The following CFAP69 variants were observed in gnomAD, a reference collection of about 807,000 sequenced individuals.
CFAP69 encodes the protein cilia and flagella associated protein 69, also known as cilia- and flagella-associated protein 69.
A neutral mutation model predicts 123.0 loss-of-function variants in CFAP69; 92 were observed. The observed-to-expected ratio is 0.75, with a 90% CI of 0.63 to 0.89. The LOEUF (loss-of-function observed/expected upper bound fraction) is 0.89. CFAP69 is among the 40% of genes least tolerant of loss of function. CFAP69 has a pLI of 0.00. For synonymous variants in CFAP69, 380 were observed against 364.3 expected (o/e 1.04, Z -0.49); for missense variants, 1,067 against 1,096.9 (o/e 0.97, Z 0.39).
At position 90,309,322 on chromosome 7, in the gene CFAP69, A is replaced by G; in HGVS notation, c.2610A>G (p.Gln870=). Residue 870 remains glutamine (Q), a synonymous_variant, in exon 22 of 23, where the codon CAA becomes CAG. Transcript: ENST00000389297. ...IEASRYHKRP[Q]NAIFHQTHIK... is the part of the protein sequence containing the mutation. ...CCTCCAGATACCATAAACGACCACA[A>G]AATGCAATATTTCACCAAACACATA... 1 of 1,590,618 alleles carries G rather than the reference A, an allele frequency of 6.3e-7. No individual in the cohort carries two copies. Among genetic ancestry groups the G allele is most frequent in the African/African-American group, 1.3e-5 (1 of 74,168 alleles).
At chr7:90,280,786 T>C (rs1375482782) in intron 12 of CFAP69, among the ~76,000 whole-genome samples, 8 of 152,240 alleles carry the variant, frequency 5.3e-5, no homozygotes, top group Admixed American at 2.6e-4. Flanking sequence ...ATTGCCTCTT[T>C]TCTGGTAGAA....
chr7:90,307,953 C>A, intron 21 of CFAP69, 99 bp downstream of exon 21: 2 of 708,682 alleles, frequency 2.8e-6, no homozygotes, highest in Non-Finnish European at 2.3e-6. Flanking sequence ...TCCTAGTGAC[C>A]TTTCCGTACA....
chr7:90,323,524 G>C, the CFAP69 span, among the ~76,000 whole-genome samples: 1 of 152,068 alleles, frequency 6.6e-6, no homozygotes, highest in African/African-American at 2.4e-5. Flanking sequence ...AATTTCTCAG[G>C]CAATTCCTAA....
intron 1 of CFAP69, among the ~76,000 whole-genome samples, chr7:90,251,724 A>C (rs1462502515): frequency 6.6e-6 from 1 of 152,228 alleles, no homozygotes; most frequent in East Asian, 1.9e-4. Flanking sequence ...TAGGGAAGGT[A>C]GAGGGAGAGA....
intron 14 of CFAP69, chr7:90,287,793 A>T: frequency 2.1e-6 from 2 of 948,208 alleles, no homozygotes; most frequent in Non-Finnish European, 2.5e-6. Flanking sequence ...AACTTCACAA[A>T]AATTATTAAA....
chr7:90,286,650 C>A (rs552851327), intron 14 of CFAP69, among the ~76,000 whole-genome samples: 2 of 152,256 alleles, frequency 1.3e-5, no homozygotes, highest in African/African-American at 4.8e-5. Flanking sequence ...AAGCCATGCC[C>A]CTACTCACTT....
At chr7:90,276,694 A>T (rs1788664062) in intron 9 of CFAP69, among the ~76,000 whole-genome samples, 1 of 152,220 alleles carries the variant, frequency 6.6e-6, no homozygotes, top group African/African-American at 2.4e-5. Context: ...GCTGTTGAGA[A>T]TAACTGGATT....
chr7:90,287,757 G>A (rs1790517550), intron 14 of CFAP69: 1 of 985,550 alleles, frequency 1.0e-6, no homozygotes, highest in Non-Finnish European at 1.2e-6. Flanking sequence ...AAGGTAATTA[G>A]TAAGAGAAAA....
At chr7:90,271,430 T>TAA in intron 6 of CFAP69, 96 bp from the exon 7 acceptor site, 1 of 1,330,834 alleles carries the variant, frequency 7.5e-7, no homozygotes, top group South Asian at 1.5e-5. Context: ...TTAAAAAGTT[T>TAA]TTCTTGCTGT....
rs1166809776 is a variant in CFAP69 at position 90,286,307 on chromosome 7, C to A, written c.1564C>A (p.Pro522Thr). The change falls in exon 14 of 23, where the codon CCT (proline) becomes ACT (threonine). Residue 522 changes from proline to threonine, a missense_variant. Pro to Thr is a conservative substitution (Grantham distance 38). Coordinates refer to ENST00000389297, the MANE Select transcript of CFAP69 (RefSeq NM_001039706.3). ...AATCTTTAAAAATATAATAAGCAAGCCTAATGAAAAGGAAGAAGCCATTGT... is the reference window on the plus strand; with the variant it reads ...AATCTTTAAAAATATAATAAGCAAGACTAATGAAAAGGAAGAAGCCATTGT... The part of the protein sequence containing the change: ...IGIFKNIISK[P>T]NEKEEAIVLE... 5 of 1,603,994 alleles carry A rather than the reference C, an allele frequency of 3.1e-6. No individual in the cohort carries two copies. The highest frequency in any genetic ancestry group is 4.3e-6 in the Non-Finnish European group (5 of 1,172,902).
At chr7:90,319,434 C>G in the CFAP69 span, 3 of 398,456 alleles carry the variant, frequency 7.5e-6, no homozygotes, top group Non-Finnish European at 1.3e-5. Flanking sequence ...ATCTTGAAAG[C>G]AAGCAGTCTA....
the CFAP69 span, chr7:90,319,663 T>C: frequency 2.5e-6 from 1 of 398,582 alleles, no homozygotes; most frequent in Non-Finnish European, 4.4e-6. Context: ...CACTCCTTTT[T>C]GAAACTCAAA....
chr7:90,247,256 G>A (rs979209238), intron 1 of CFAP69, among the ~76,000 whole-genome samples: 6 of 152,306 alleles, frequency 3.9e-5, no homozygotes, highest in East Asian at 1.9e-4. Flanking sequence ...TGGGGGTCTA[G>A]AGACCCTGGA....
chr7:90,265,404 G>T, intron 5 of CFAP69, 27 bp downstream of exon 5: 2 of 1,485,244 alleles, frequency 1.3e-6, no homozygotes, highest in South Asian at 2.3e-5. Context: ...TTAAGGTATA[G>T]GGATGTAACA....
At chr7:90,307,908 C>T in intron 21 of CFAP69, 54 bp downstream of exon 21, 1 of 1,101,408 alleles carries the variant, frequency 9.1e-7, no homozygotes, top group Non-Finnish European at 1.3e-6. Flanking sequence ...CTCTTACAGA[C>T]AGACTTTTTC....
At chr7:90,271,756 A>G (rs1799985769) in intron 7 of CFAP69, 25 bp from the exon 8 acceptor site, 6 of 1,579,350 alleles carry the variant, frequency 3.8e-6, no homozygotes, top group East Asian at 4.5e-5. Context: ...GTAAAGCACA[A>G]ATAATTTTTA....
the CFAP69 span, chr7:90,320,264 A>C: frequency 6.6e-6 from 1 of 152,288 alleles, no homozygotes; most frequent in Non-Finnish European, 1.5e-5. Flanking sequence ...AACACCGTTT[A>C]AGTCTCAAAG....
intron 15 of CFAP69, among the ~76,000 whole-genome samples, chr7:90,296,709 T>C (rs1335221341): frequency 2.0e-5 from 3 of 152,156 alleles, no homozygotes; most frequent in African/African-American, 7.2e-5. Flanking sequence ...TGTGGAGATA[T>C]AAGACATCAG....
chr7:90,284,388 A>G (rs1015403), intron 13 of CFAP69, among the ~76,000 whole-genome samples: 75,733 of 151,970 alleles, frequency 0.5, 19,831 homozygotes, highest in Non-Finnish European at 0.59. Context: ...TAAAGAACTT[A>G]TCCATGTAAC....
Sources: allele counts gnomAD v4.1 joint callset (sites outside exome capture counted in the v4.1 genomes callset), GRCh38; gene constraint gnomAD v4.1.1; transcripts MANE v1.5; gene names NCBI Gene and HGNC (gene_info 2026-07-23, HGNC 2026-07-21).